The following MSANTD2 variants were observed in gnomAD, a reference collection of about 807,000 sequenced individuals.
MSANTD2 encodes myb/SANT-like DNA-binding domain-containing protein 2.
MSANTD2 carries 19 observed loss-of-function variants against 52.6 expected under a neutral mutation model. The ratio of observed to expected loss-of-function variants is 0.36; its 90% CI spans 0.25 to 0.53. The LOEUF is 0.53. Among genes scored for constraint, MSANTD2 ranks in the 20% least tolerant of loss-of-function variants. The pLI, the probability that MSANTD2 is intolerant of heterozygous loss-of-function variation, is 0.91. For synonymous variants in MSANTD2, 291 were observed against 289.7 expected (o/e 1.00, Z -0.04); for missense variants, 558 against 716.3 (o/e 0.78, Z 2.52).
At chr11:124,770,423 G>C (rs1944469072) in intron 3 of MSANTD2, among the ~76,000 whole-genome samples, 1 of 151,586 alleles carries the variant, frequency 6.6e-6, no homozygotes, top group Non-Finnish European at 1.5e-5. Flanking sequence ...TCAGCCTTCT[G>C]AGTAGCTGGG....
rs150875213 is a variant in MSANTD2, at chr11:124,770,366, A to C, written c.828-2338T>G. Among the ~76,000 whole-genome samples the C allele has an allele frequency of 5.3e-5, 8 of 150,194 alleles. No homozygotes were observed. In the East Asian group the frequency reaches 1.6e-3, roughly 29 times the overall value. On this transcript the variant is annotated intron_variant, in intron 3 of 3. Coordinates refer to ENST00000374979, the MANE Select transcript of MSANTD2 (RefSeq NM_001308027.2). Reference sequence around the variant, plus strand: ...TGCTCTGTCACCCAGGCTGGAATGCATGACTCACTGGAGCTTTGACCTCCC... The same window carrying C: ...TGCTCTGTCACCCAGGCTGGAATGCCTGACTCACTGGAGCTTTGACCTCCC...
At chr11:124,772,653 C>T (rs956760511) in intron 3 of MSANTD2, among the ~76,000 whole-genome samples, 1 of 142,668 alleles carries the variant, frequency 7.0e-6, no homozygotes, top group South Asian at 2.3e-4. Flanking sequence ...AGGAGAATGG[C>T]GTGAACCTGG....
chr11:124,788,429 G>A (rs1049072752), intron 1 of MSANTD2, among the ~76,000 whole-genome samples: 1 of 152,024 alleles, frequency 6.6e-6, no homozygotes, highest in Non-Finnish European at 1.5e-5. Context: ...ATAACAAAAG[G>A]TTTCATGAAT....
chr11:124,790,740 T>C (rs1945303564), intron 1 of MSANTD2: 1 of 154,388 alleles, frequency 6.5e-6, no homozygotes, highest in Non-Finnish European at 1.4e-5. Context: ...CCAAACGCCT[T>C]AGCGTATCAC....
intron 1 of MSANTD2, chr11:124,783,865 G>C: frequency 1.0e-6 from 1 of 985,304 alleles, no homozygotes; most frequent in Non-Finnish European, 1.2e-6. Context: ...TAAAGCTTCT[G>C]ACCCTATGCT....
chr11:124,781,093 G>A (rs1373950604), intron 1 of MSANTD2, among the ~76,000 whole-genome samples: 1 of 150,408 alleles, frequency 6.6e-6, no homozygotes, highest in African/African-American at 2.5e-5. Flanking sequence ...TGAGGCAGGA[G>A]AATCACTTGA....
intron 1 of MSANTD2, chr11:124,791,592 A>G: frequency 6.9e-7 from 1 of 1,457,616 alleles, no homozygotes; most frequent in Admixed American, 1.7e-5. Context: ...CCGAGGAGTA[A>G]GCCCGCTGCC....
Position 124,774,541 on chromosome 11 carries a change from T to C in MSANTD2, c.766+178A>G, listed in dbSNP as rs1030102766. 1.3e-5 allele frequency among the ~76,000 whole-genome samples: 2 copies of C among 152,158 alleles called. No homozygotes were observed. Among genetic ancestry groups the C allele is most frequent in the African/African-American group, 2.4e-5 (1 of 41,436 alleles). On this transcript the variant is annotated intron_variant, in intron 2 of 3. Transcript: ENST00000374979. This position sits in a 1 kb window ranked among gnomAD's most constrained non-coding sequence, Gnocchi z 5.1. ...CCAAGGATGCCCACATTGCCCCAAA[T>C]AGACTGGGACATGCAAATTCATGAA...
chr11:124,783,598 T>G (rs1945059175), intron 1 of MSANTD2: 2 of 451,352 alleles, frequency 4.4e-6, no homozygotes, highest in African/African-American at 2.1e-5. Context: ...CCAGCCTGAG[T>G]GACAGAGTGA....
intron 1 of MSANTD2, among the ~76,000 whole-genome samples, chr11:124,782,670 G>A (rs1240930030): frequency 6.6e-6 from 1 of 152,140 alleles, no homozygotes; most frequent in Non-Finnish European, 1.5e-5. Flanking sequence ...AGCTCCATGA[G>A]GTAAGGATTT....
At chr11:124,778,513 T>C (rs898750432) in intron 1 of MSANTD2, among the ~76,000 whole-genome samples, 11 of 152,158 alleles carry the variant, frequency 7.2e-5, no homozygotes, top group Non-Finnish European at 1.3e-4. Flanking sequence ...TGAAAGAAGC[T>C]GTAGGGATAG....
intron 1 of MSANTD2, among the ~76,000 whole-genome samples, chr11:124,781,679 T>G (rs11607639): frequency 0.3 from 44,904 of 149,196 alleles, 9,796 homozygotes; most frequent in African/African-American, 0.62. Context: ...TTGAGACAGA[T>G]TCTCGCTCTG....
At chr11:124,771,615 C>G (rs1466103890) in intron 3 of MSANTD2, among the ~76,000 whole-genome samples, 2 of 152,126 alleles carry the variant, frequency 1.3e-5, no homozygotes, top group Non-Finnish European at 2.9e-5. Context: ...ACTAAAAATA[C>G]GAAAATTAGC....
In MSANTD2 at chr11:124,800,343, G is replaced by C. The variant is rs768637276; in HGVS notation, c.38C>G (p.Ser13Trp). ...APCGSELPAN[S>W]PLKIPKMEVL... ...CTCCATCTTCGGAATTTTTAGCGGC[G>C]AGTTGGCGGGCAGCTCCGAGCCACA... The change falls in exon 1 of 4, where the codon TCG (serine) becomes TGG (tryptophan). Residue 13 changes from serine to tryptophan, a missense_variant. This residue lies in a region of MSANTD2 where 150 missense variants were observed against 142.7 expected (regional missense o/e 1.05). Transcript: ENST00000374979. This position sits in a 1 kb window ranked among gnomAD's most constrained non-coding sequence, Gnocchi z 4.3. The C allele has an allele frequency of 4.5e-6, 7 of 1,553,422 alleles. No individual in the cohort carries two copies. Among genetic ancestry groups the C allele is most frequent in the Non-Finnish European group, 6.1e-6 (7 of 1,152,196 alleles).
At chr11:124,781,158 G>C (rs1011081993) in intron 1 of MSANTD2, among the ~76,000 whole-genome samples, 2 of 150,542 alleles carry the variant, frequency 1.3e-5, no homozygotes, top group Non-Finnish European at 2.9e-5. Flanking sequence ...ACTCCAGCCT[G>C]GGCGACATGA....
chr11:124,772,789 G>A (rs557959753), intron 3 of MSANTD2, among the ~76,000 whole-genome samples: 6 of 145,814 alleles, frequency 4.1e-5, no homozygotes, highest in Admixed American at 3.5e-4. Flanking sequence ...AGACATCACA[G>A]TTCCTGGAAT....
intron 1 of MSANTD2, among the ~76,000 whole-genome samples, chr11:124,780,472 A>G (rs1944916072): frequency 6.6e-6 from 1 of 152,174 alleles, no homozygotes; most frequent in Non-Finnish European, 1.5e-5. Flanking sequence ...GGCAAATACA[A>G]AATGTTTTTA....
intron 1 of MSANTD2, among the ~76,000 whole-genome samples, chr11:124,787,605 A>AT (rs1300500471): frequency 1.3e-5 from 2 of 152,124 alleles, no homozygotes; most frequent in Admixed American, 6.5e-5. Context: ...GGTCTCAATG[A>AT]TTTTTTTGAT....
intron 1 of MSANTD2, among the ~76,000 whole-genome samples, chr11:124,799,449 G>GCC: frequency 6.6e-6 from 1 of 151,870 alleles, no homozygotes; most frequent in South Asian, 2.1e-4. Flanking sequence ...GGGGCTCAAT[G>GCC]CCCCCCCCTT....
Sources: gnomAD v4.1 joint callset for allele counts (sites outside exome capture counted in the v4.1 genomes callset) on GRCh38, gnomAD v4.1.1 for gene constraint, gnomAD v4.1.1 regional missense constraint, Gnocchi (gnomAD v3.1) non-coding constraint, MANE v1.5 for transcripts, NCBI Gene and HGNC (gene_info 2026-07-23, HGNC 2026-07-21) for gene names.